CLYBL: variants seen among roughly 807,000 people sequenced by gnomAD.
CLYBL encodes the protein citramalyl-CoA lyase.
A neutral mutation model predicts 38.9 loss-of-function variants in CLYBL; 31 were observed. That is an observed-to-expected ratio of 0.80 (90% CI 0.60 to 1.08). The LOEUF is 1.08. Among genes scored for constraint, CLYBL ranks in the 50% least tolerant of loss-of-function variants. The pLI is 0.00. For synonymous variants in CLYBL, 171 were observed against 158.6 expected (o/e 1.08, Z -0.59); for missense variants, 434 against 411.6 (o/e 1.05, Z -0.47).
chr13:99,831,435 A>T (rs538335531), intron 2 of CLYBL, among the ~76,000 whole-genome samples: 1 of 152,320 alleles, frequency 6.6e-6, no homozygotes, highest in Admixed American at 6.5e-5. Flanking sequence ...ATCAGGATAA[A>T]TAGCTAATGC....
intron 2 of CLYBL, among the ~76,000 whole-genome samples, chr13:99,786,196 T>G (rs1384553921): frequency 3.4e-5 from 5 of 145,648 alleles, no homozygotes; most frequent in Admixed American, 7.0e-5. Context: ...CTGGCTTAGC[T>G]TTCCTTTTTT....
At chr13:99,652,621 T>C (rs550657042) in intron 1 of CLYBL, among the ~76,000 whole-genome samples, 60 of 152,204 alleles carry the variant, frequency 3.9e-4, no homozygotes, top group Middle Eastern at 3.2e-3. Context: ...TTGCCAAAAG[T>C]AGGACCTGTG....
intron 1 of CLYBL, among the ~76,000 whole-genome samples, chr13:99,725,183 C>T (rs1040614141): frequency 2.0e-5 from 3 of 152,166 alleles, no homozygotes; most frequent in African/African-American, 4.8e-5. Context: ...TCTGGGATAT[C>T]GGTTTAGGAA....
intron 1 of CLYBL, among the ~76,000 whole-genome samples, chr13:99,720,846 G>A (rs1385591128): frequency 6.6e-6 from 1 of 152,074 alleles, no homozygotes; most frequent in African/African-American, 2.4e-5. Context: ...TGACTGTGCT[G>A]TTCAATCTGA....
intron 1 of CLYBL, among the ~76,000 whole-genome samples, chr13:99,619,355 G>A (rs1414825009): frequency 6.6e-6 from 1 of 152,160 alleles, no homozygotes; most frequent in African/African-American, 2.4e-5. Context: ...CACCAAGGCT[G>A]GCACCTTGAT....
rs78274413 is a variant in CLYBL, at chr13:99,749,679, A to G, written c.63-23145A>G. Among the ~76,000 whole-genome samples the G allele has an allele frequency of 3.9e-3, 600 of 152,334 alleles. 3 individuals are homozygous for G. Among genetic ancestry groups the G allele is most frequent in the African/African-American group, 0.014 (568 of 41,572 alleles). On this transcript the variant is annotated intron_variant, in intron 1 of 8. Coordinates refer to ENST00000339105, the MANE Select transcript of CLYBL (RefSeq NM_206808.5). ...TTGCTTCAGGAGAGAGTTTGCTCTG[A>G]AAATGTCTTCTCGGCCTTCCTGAAG...
chr13:99,846,664 C>A (rs998573015), intron 2 of CLYBL, among the ~76,000 whole-genome samples: 1 of 152,190 alleles, frequency 6.6e-6, no homozygotes, highest in Admixed American at 6.5e-5. Flanking sequence ...TGGCTTCTGC[C>A]GCTGGCTGAA....
At chr13:99,840,209 C>T (rs2051037317) in intron 2 of CLYBL, among the ~76,000 whole-genome samples, 2 of 150,552 alleles carry the variant, frequency 1.3e-5, no homozygotes, top group Non-Finnish European at 2.9e-5. Flanking sequence ...CCTTGTGGTC[C>T]TCATCCCTTC....
At chr13:99,803,354 G>A (rs572884443) in intron 2 of CLYBL, among the ~76,000 whole-genome samples, 1 of 152,340 alleles carries the variant, frequency 6.6e-6, no homozygotes, top group South Asian at 2.1e-4. Flanking sequence ...AGAATGAATG[G>A]GCATCCTTGA....
intron 2 of CLYBL, among the ~76,000 whole-genome samples, chr13:99,815,342 C>T (rs183783760): frequency 6.6e-6 from 1 of 150,464 alleles, no homozygotes; most frequent in East Asian, 2.0e-4. Flanking sequence ...CTATGAAAAG[C>T]TCAGAGATCT....
At chr13:99,833,202 T>C (rs7337684) in intron 2 of CLYBL, among the ~76,000 whole-genome samples, 118,232 of 149,468 alleles carry the variant, frequency 0.79, 47,304 homozygotes, top group East Asian at 0.93. Context: ...CCACCACACC[T>C]GGCTAATTTT....
At chr13:99,816,935 C>T (rs909162920) in intron 2 of CLYBL, among the ~76,000 whole-genome samples, 11 of 152,256 alleles carry the variant, frequency 7.2e-5, no homozygotes, top group Admixed American at 6.5e-4. Flanking sequence ...ACGTGCGCTG[C>T]GGATAGGGTT....
At chr13:99,699,715 C>T (rs922247930) in intron 1 of CLYBL, among the ~76,000 whole-genome samples, 24 of 135,360 alleles carry the variant, frequency 1.8e-4, no homozygotes, top group Non-Finnish European at 3.2e-4. Flanking sequence ...AAAAATAGGC[C>T]AGGCGCAGTG....
intron 2 of CLYBL, among the ~76,000 whole-genome samples, chr13:99,827,336 G>T (rs1669843809): frequency 6.6e-6 from 1 of 152,182 alleles, no homozygotes; most frequent in Non-Finnish European, 1.5e-5. Context: ...GGTGGGGAAA[G>T]GACCTGGCGC....
intron 2 of CLYBL, among the ~76,000 whole-genome samples, chr13:99,798,222 A>G (rs567233083): frequency 4.1e-4 from 62 of 152,350 alleles, no homozygotes; most frequent in African/African-American, 1.3e-3. Context: ...TTACATTCCC[A>G]GAAGGCCCTT....
At chr13:99,705,905 T>C (rs542855471) in intron 1 of CLYBL, among the ~76,000 whole-genome samples, 54 of 152,138 alleles carry the variant, frequency 3.5e-4, no homozygotes, top group African/African-American at 1.3e-3. Context: ...TTGTATGTTA[T>C]GTATATTTTG....
intron 1 of CLYBL, among the ~76,000 whole-genome samples, chr13:99,743,959 C>CTTCT (rs1215922944): frequency 2.2e-5 from 3 of 135,926 alleles, no homozygotes; most frequent in Admixed American, 7.4e-5. Flanking sequence ...TTTTTTTTCT[C>CTTCT]TTCTTTCTTT....
At chr13:99,736,894 C>G (rs1243307284) in intron 1 of CLYBL, among the ~76,000 whole-genome samples, 1 of 152,120 alleles carries the variant, frequency 6.6e-6, no homozygotes, top group African/African-American at 2.4e-5. Context: ...ATTGCCAGAC[C>G]CTGGCTTAGG....
intron 1 of CLYBL, among the ~76,000 whole-genome samples, chr13:99,665,859 C>T (rs2047473728): frequency 6.6e-6 from 1 of 152,176 alleles, no homozygotes; most frequent in Non-Finnish European, 1.5e-5. Context: ...CACCGTTCAG[C>T]CGTTTGATGG....
Sources: allele counts gnomAD v4.1 joint callset (sites outside exome capture counted in the v4.1 genomes callset), GRCh38; gene constraint gnomAD v4.1.1; transcripts MANE v1.5; gene names NCBI Gene and HGNC (gene_info 2026-07-23, HGNC 2026-07-21).